The following CFAP20DC variants were observed in gnomAD, a reference collection of about 807,000 sequenced individuals.
CFAP20DC encodes CFAP20 domain containing.
CFAP20DC carries 84 observed loss-of-function variants against 101.7 expected under a neutral mutation model. The observed-to-expected ratio is 0.83, with a 90% CI of 0.69 to 0.99. The LOEUF (loss-of-function observed/expected upper bound fraction) is 0.99. CFAP20DC is among the 50% of genes least tolerant of loss of function. The pLI is 0.00. For missense variants in CFAP20DC, 1,007 were observed against 970.3 expected (o/e 1.04, Z -0.50); for synonymous variants, 359 against 351.2 (o/e 1.02, Z -0.25).
intron 15 of CFAP20DC, among the ~76,000 whole-genome samples, chr3:58,802,249 T>A (rs1385003492): frequency 6.6e-6 from 1 of 152,234 alleles, no homozygotes; most frequent in East Asian, 1.9e-4. Context: ...AACCAATAGA[T>A]GGCATTTTAA....
rs568525419 is a variant in CFAP20DC at position 58,806,901 on chromosome 3, G to A, written c.2176-445C>T. Among the ~76,000 whole-genome samples, 418 of 152,212 alleles carry A rather than the reference G, an allele frequency of 2.7e-3. 1 individual carries two copies. Among genetic ancestry groups the A allele is most frequent in the African/African-American group, 9.6e-3 (397 of 41,534 alleles). The stretch of plus-strand genomic sequence containing the variant: ...TTTTCCAACGGGCTTAAAAAACGGC[G>A]CACCAGGAGATTATATCCCGCACAT... On this transcript the variant is annotated intron_variant, in intron 14 of 16. Transcript: ENST00000482387.
Position 58,801,258 on chromosome 3 carries a change from T to C in CFAP20DC, c.2237+5137A>G, listed in dbSNP as rs528754474. 2.0e-4 allele frequency among the ~76,000 whole-genome samples: 30 copies of C among 152,288 alleles called. No individual in the cohort carries two copies. The South Asian group carries it at 5.8e-3, about 29-fold the overall frequency. On this transcript the variant is annotated intron_variant, in intron 15 of 16. Transcript: ENST00000482387. ...GAAGAGGTAATGAATCTTTTCCTAGTTGAAGCCAACAAGAGAAATGATAAA... is the reference window on the plus strand; with the variant it reads ...GAAGAGGTAATGAATCTTTTCCTAGCTGAAGCCAACAAGAGAAATGATAAA...
At chr3:58,807,660 G>A (rs932043959) in intron 14 of CFAP20DC, among the ~76,000 whole-genome samples, 8 of 152,202 alleles carry the variant, frequency 5.3e-5, no homozygotes, top group South Asian at 2.1e-4. Context: ...AGCAGAGCGC[G>A]TCTCCTCATC....
At position 58,801,050 on chromosome 3, in the gene CFAP20DC, T is replaced by TGAGAGAGAGAGAGAGAGAGA. The variant is rs143776206; in HGVS notation, c.2237+5325_2237+5344dup. 1.5e-3 allele frequency among the ~76,000 whole-genome samples: 200 copies of TGAGAGAGAGAGAGAGAGAGA among 131,716 alleles called. 3 individuals carry two copies. Among genetic ancestry groups the TGAGAGAGAGAGAGAGAGAGA allele is most frequent in the African/African-American group, 6.1e-3 (195 of 31,838 alleles). 86.4% of individuals were successfully genotyped at this position (131,716 alleles called of 152,430 possible). A position where few individuals can be genotyped will look rare whatever the true frequency, so the allele number is the denominator to read the frequency against. On this transcript the variant is annotated intron_variant, in intron 15 of 16. Coordinates refer to ENST00000482387, the MANE Select transcript of CFAP20DC (RefSeq NM_001394063.1). ...GGGTGGGGTGGGGGTGGGGAGTAAG[T>TGAGAGAGAGAGAGAGAGAGA]GAGAGAGAGAGAGAGAGAGAGAGAA...
At chr3:58,758,908 G>C (rs1262963244) in intron 15 of CFAP20DC, among the ~76,000 whole-genome samples, 1 of 152,070 alleles carries the variant, frequency 6.6e-6, no homozygotes, top group Non-Finnish European at 1.5e-5. Context: ...TGGTGTATAT[G>C]TGCCACATTT....
intron 4 of CFAP20DC, among the ~76,000 whole-genome samples, chr3:58,954,694 T>C (rs947779499): frequency 3.9e-5 from 6 of 152,186 alleles, no homozygotes; most frequent in Non-Finnish European, 8.8e-5. Flanking sequence ...TCTGCTGAAG[T>C]TTAAATTCAC....
At chr3:59,046,132 T>C (rs541677739) in intron 3 of CFAP20DC, 97 bp downstream of exon 3, 2 of 797,032 alleles carry the variant, frequency 2.5e-6, no homozygotes, top group South Asian at 3.3e-5. Flanking sequence ...CATAAATAGA[T>C]GTCAGTAGAA....
At chr3:59,029,259 C>G (rs1283914737) in intron 4 of CFAP20DC, among the ~76,000 whole-genome samples, 2 of 151,978 alleles carry the variant, frequency 1.3e-5, no homozygotes, top group South Asian at 4.2e-4. Flanking sequence ...GGCTCCATGT[C>G]TTCATGAAAC....
intron 15 of CFAP20DC, chr3:58,794,245 C>A: frequency 2.3e-6 from 1 of 430,640 alleles, no homozygotes; most frequent in Non-Finnish European, 4.8e-6. Flanking sequence ...TTTCCCATGC[C>A]TACACCAAAC....
intron 5 of CFAP20DC, among the ~76,000 whole-genome samples, chr3:58,923,187 G>A (rs898555339): frequency 3.3e-5 from 5 of 152,062 alleles, no homozygotes; most frequent in Admixed American, 1.3e-4. Flanking sequence ...GATTACAGGT[G>A]TGAGCCACTG....
chr3:59,041,611 T>C (rs1158309426), intron 3 of CFAP20DC, among the ~76,000 whole-genome samples: 1 of 152,166 alleles, frequency 6.6e-6, no homozygotes, highest in East Asian at 1.9e-4. Context: ...TAGTCAAAAA[T>C]GTCCATCAAG....
intron 4 of CFAP20DC, among the ~76,000 whole-genome samples, chr3:58,962,239 T>C (rs2091201220): frequency 6.6e-6 from 1 of 152,218 alleles, no homozygotes; most frequent in African/African-American, 2.4e-5. Context: ...TTCTGATCTT[T>C]AAAGTATTTT....
At chr3:58,927,454 A>C (rs1481814696) in intron 5 of CFAP20DC, among the ~76,000 whole-genome samples, 1 of 152,214 alleles carries the variant, frequency 6.6e-6, no homozygotes, top group African/African-American at 2.4e-5. Context: ...TTATGAGTAC[A>C]CAGAGGATTC....
intron 4 of CFAP20DC, among the ~76,000 whole-genome samples, chr3:58,951,860 A>C (rs190303482): frequency 1.7e-3 from 266 of 152,304 alleles, no homozygotes; most frequent in African/African-American, 5.7e-3. Context: ...ATACATATGT[A>C]ACAAACCTGC....
At chr3:58,796,968 T>C (rs890018542) in intron 15 of CFAP20DC, among the ~76,000 whole-genome samples, 5 of 152,164 alleles carry the variant, frequency 3.3e-5, no homozygotes, top group African/African-American at 9.7e-5. Flanking sequence ...ATTTAGTAAA[T>C]GCGGTTTGTA....
chr3:59,019,229 T>C (rs527390886), intron 4 of CFAP20DC: 2 of 152,232 alleles, frequency 1.3e-5, no homozygotes, highest in South Asian at 4.1e-4. Flanking sequence ...TATTTATGTA[T>C]AGAACAAGAA....
intron 14 of CFAP20DC, chr3:58,824,323 A>G (rs1156617311): frequency 6.6e-6 from 1 of 152,216 alleles, no homozygotes; most frequent in Non-Finnish European, 1.5e-5. Context: ...AACCAGGAAT[A>G]TCATGCAAAA....
At chr3:58,873,744 T>G (rs1201991484) in intron 7 of CFAP20DC, among the ~76,000 whole-genome samples, 1 of 151,384 alleles carries the variant, frequency 6.6e-6, no homozygotes, top group East Asian at 2.0e-4. Flanking sequence ...TAGGCAGGTG[T>G]TGAAGCAGAA....
chr3:58,973,923 C>T, intron 4 of CFAP20DC, among the ~76,000 whole-genome samples: 1 of 152,116 alleles, frequency 6.6e-6, no homozygotes, highest in East Asian at 1.9e-4. Flanking sequence ...CTCTCTCATC[C>T]TGTCTTCTGA....
Sources: gnomAD v4.1 joint callset for allele counts (sites outside exome capture counted in the v4.1 genomes callset) on GRCh38, gnomAD v4.1.1 for gene constraint, MANE v1.5 for transcripts, NCBI Gene and HGNC (gene_info 2026-07-23, HGNC 2026-07-21) for gene names.